HEMK2: variants seen among roughly 807,000 people sequenced by gnomAD.
HEMK2 encodes the protein methyltransferase HEMK2.
the HEMK2 span, among the ~76,000 whole-genome samples, chr21:28,751,963 A>T: frequency 2.0e-5 from 3 of 149,796 alleles, no homozygotes; most frequent in Admixed American, 1.3e-4. Context: ...GCCAAGATTT[A>T]TTTTTAAGAA....
chr21:28,703,215 T>A, the HEMK2 span, among the ~76,000 whole-genome samples: 1 of 152,202 alleles, frequency 6.6e-6, no homozygotes, highest in Non-Finnish European at 1.5e-5. Flanking sequence ...TCAGGTACTG[T>A]GCTTATTACT....
the HEMK2 span, among the ~76,000 whole-genome samples, chr21:28,785,548 T>C: frequency 1.3e-5 from 2 of 152,240 alleles, no homozygotes; most frequent in African/African-American, 2.4e-5. Context: ...GCTTCAGTGC[T>C]GTAACTTCTT....
the HEMK2 span, chr21:28,885,303 C>G: frequency 1.9e-6 from 3 of 1,588,770 alleles, no homozygotes; most frequent in East Asian, 6.9e-5. Flanking sequence ...GCGCCGCGGC[C>G]CACGTGCCCG....
chr21:28,675,716 T>C, the HEMK2 span, among the ~76,000 whole-genome samples: 11 of 152,180 alleles, frequency 7.2e-5, no homozygotes, highest in South Asian at 2.1e-4. Context: ...CAGTCCATCT[T>C]TGGGGACTGA....
the HEMK2 span, among the ~76,000 whole-genome samples, chr21:28,725,690 A>G: frequency 6.6e-6 from 1 of 152,238 alleles, no homozygotes; most frequent in African/African-American, 2.4e-5. Context: ...TCCGCAGTCC[A>G]GATTCTCAAT....
chr21:28,831,587 G>GA, the HEMK2 span, among the ~76,000 whole-genome samples: 2 of 80,930 alleles, frequency 2.5e-5, no homozygotes, highest in Non-Finnish European at 2.2e-5. Context: ...AAGAAGGAAA[G>GA]AAGGAAAGAA....
At chr21:28,633,915 G>A in the HEMK2 span, among the ~76,000 whole-genome samples, 1 of 152,160 alleles carries the variant, frequency 6.6e-6, no homozygotes, top group Non-Finnish European at 1.5e-5. Context: ...ATAACCTACT[G>A]TGAAGTTCTG....
At chr21:28,879,309 C>T in the HEMK2 span, among the ~76,000 whole-genome samples, 10 of 152,210 alleles carry the variant, frequency 6.6e-5, no homozygotes, top group East Asian at 1.9e-3. Context: ...GTGGCTTGAT[C>T]TCAGCTCACT....
chr21:28,600,936 C>T, the HEMK2 span, among the ~76,000 whole-genome samples: 1 of 152,180 alleles, frequency 6.6e-6, no homozygotes, highest in African/African-American at 2.4e-5. Context: ...AACTGTACTC[C>T]TCCATAATAA....
At chr21:28,661,568 A>G in the HEMK2 span, among the ~76,000 whole-genome samples, 99 of 152,120 alleles carry the variant, frequency 6.5e-4, no homozygotes, top group Middle Eastern at 3.4e-3. Context: ...ATGCAAATAT[A>G]TATATATATA....
At chr21:28,665,137 T>G in the HEMK2 span, among the ~76,000 whole-genome samples, 2 of 150,096 alleles carry the variant, frequency 1.3e-5, no homozygotes, top group African/African-American at 4.9e-5. Flanking sequence ...AAAAAAAAAT[T>G]AGCCAGGAGT....
chr21:28,737,070 G>A, the HEMK2 span, among the ~76,000 whole-genome samples: 1 of 152,176 alleles, frequency 6.6e-6, no homozygotes, highest in Admixed American at 6.5e-5. Flanking sequence ...TTGGGGTTGA[G>A]GAGGCAGATT....
At chr21:28,721,938 ATAC>A in the HEMK2 span, among the ~76,000 whole-genome samples, 302 of 104,374 alleles carry the variant, frequency 2.9e-3, 1 homozygote, top group African/African-American at 0.015. Flanking sequence ...ACACACACAC[ATAC>A]ACCTATTTGA....
At chr21:28,769,983 C>T in the HEMK2 span, among the ~76,000 whole-genome samples, 9 of 152,142 alleles carry the variant, frequency 5.9e-5, no homozygotes, top group Non-Finnish European at 8.8e-5. Context: ...GCCTCAAAGT[C>T]ATCAGCCAGC....
the HEMK2 span, among the ~76,000 whole-genome samples, chr21:28,579,027 G>C: frequency 6.6e-6 from 1 of 152,316 alleles, no homozygotes; most frequent in East Asian, 1.9e-4. Flanking sequence ...GACTCCAGAG[G>C]TTATCAGATT....
chr21:28,611,157 C>T, the HEMK2 span, among the ~76,000 whole-genome samples: 1 of 152,084 alleles, frequency 6.6e-6, no homozygotes, highest in African/African-American at 2.4e-5. Context: ...GGCCACAAAA[C>T]AAATCTCAAC....
chr21:28,865,488 C>T, the HEMK2 span, among the ~76,000 whole-genome samples: 7 of 152,176 alleles, frequency 4.6e-5, no homozygotes, highest in East Asian at 1.9e-4. Context: ...TTTGAAAGCA[C>T]GTTTGATTTT....
At chr21:28,821,518 T>C in the HEMK2 span, among the ~76,000 whole-genome samples, 8 of 152,358 alleles carry the variant, frequency 5.3e-5, no homozygotes, top group African/African-American at 1.9e-4. Flanking sequence ...GGAATAACAA[T>C]GACTGTGTCT....
chr21:28,706,176 C>CT, the HEMK2 span, among the ~76,000 whole-genome samples: 1 of 152,186 alleles, frequency 6.6e-6, no homozygotes, highest in Admixed American at 6.5e-5. Flanking sequence ...TGACGTAACT[C>CT]TAAGTTCTCG....
Sources: allele counts gnomAD v4.1 joint callset (sites outside exome capture counted in the v4.1 genomes callset), GRCh38; gene constraint gnomAD v4.1.1; transcripts MANE v1.5; gene names NCBI Gene and HGNC (gene_info 2026-07-23, HGNC 2026-07-21).